TENM2: variants seen among roughly 807,000 people sequenced by gnomAD.
TENM2 encodes teneurin transmembrane protein 2.
Under a neutral mutation model 245.2 loss-of-function variants are expected in TENM2, and 52 were observed. The observed-to-expected ratio is 0.21, with a 90% CI of 0.17 to 0.27. TENM2 has a LOEUF of 0.27. Among genes scored for constraint, TENM2 ranks in the 10% least tolerant of loss-of-function variants. The probability of loss-of-function intolerance (pLI) is 1.00; values close to 1 mark genes in which losing one functional copy is unlikely to be tolerated. For synonymous variants in TENM2, 1,363 were observed against 1,438.9 expected, an observed-to-expected ratio of 0.95 and a Z score of 1.19; for missense variants, 3,046 against 3,666.8, an observed-to-expected ratio of 0.83 and a Z score of 4.37.
At chr5:168,136,219 C>T (rs1755031938) in intron 12 of TENM2, among the ~76,000 whole-genome samples, 1 of 152,150 alleles carries the variant, frequency 6.6e-6, no homozygotes, top group African/African-American at 2.4e-5. Context: ...TGAAATCACC[C>T]TAAGCCCTAC....
chr5:168,020,298 G>A (rs752398259), intron 5 of TENM2, among the ~76,000 whole-genome samples: 1 of 152,118 alleles, frequency 6.6e-6, no homozygotes, highest in Non-Finnish European at 1.5e-5. Context: ...TAAGAAAGAA[G>A]GATTCTCCAA....
chr5:167,158,804 A>T, the TENM2 span, among the ~76,000 whole-genome samples: 3 of 151,448 alleles, frequency 2.0e-5, no homozygotes, highest in Non-Finnish European at 4.4e-5. Flanking sequence ...GGGTTTCAAC[A>T]TATGATTTCT....
the TENM2 span, among the ~76,000 whole-genome samples, chr5:167,153,123 A>G: frequency 2.6e-5 from 4 of 151,848 alleles, no homozygotes; most frequent in African/African-American, 9.7e-5. Context: ...ACACACACAG[A>G]TACACATAGC....
chr5:167,548,263 C>T (rs112964125), intron 2 of TENM2, among the ~76,000 whole-genome samples: 4,284 of 152,210 alleles, frequency 0.028, 153 homozygotes, highest in African/African-American at 0.084. Flanking sequence ...TGTTGACAGA[C>T]TTTTTTCTTA....
At chr5:167,113,060 T>G in the TENM2 span, among the ~76,000 whole-genome samples, 1 of 152,080 alleles carries the variant, frequency 6.6e-6, no homozygotes, top group Non-Finnish European at 1.5e-5. Context: ...ATTAGATGAG[T>G]TGACAAAAAT....
chr5:167,387,330 G>A (rs1009948743), intron 2 of TENM2, among the ~76,000 whole-genome samples: 2 of 151,952 alleles, frequency 1.3e-5, no homozygotes, highest in African/African-American at 4.8e-5. Context: ...GGTCACTGTC[G>A]GTGTATAGAA....
chr5:167,131,090 A>G, the TENM2 span, among the ~76,000 whole-genome samples: 1 of 152,024 alleles, frequency 6.6e-6, no homozygotes, highest in African/African-American at 2.4e-5. Flanking sequence ...TGAATGTTTT[A>G]TGTAAAAATG....
the TENM2 span, chr5:167,168,087 G>C: frequency 2.0e-5 from 3 of 152,176 alleles, no homozygotes; most frequent in Non-Finnish European, 4.4e-5. Context: ...TTCAGTGTAA[G>C]CATAAACATG....
intron 2 of TENM2, among the ~76,000 whole-genome samples, chr5:167,687,476 A>G (rs1309307327): frequency 2.0e-5 from 3 of 152,166 alleles, no homozygotes; most frequent in Admixed American, 6.6e-5. Flanking sequence ...TATCTGGGAA[A>G]AACTATTTAT....
At chr5:168,097,239 C>T (rs765817051) in intron 8 of TENM2, among the ~76,000 whole-genome samples, 1 of 152,128 alleles carries the variant, frequency 6.6e-6, no homozygotes, top group Non-Finnish European at 1.5e-5. Context: ...TGAAGAATCA[C>T]TCTCTATACC....
chr5:167,360,597 T>C (rs1454007191), intron 1 of TENM2, among the ~76,000 whole-genome samples: 1 of 152,176 alleles, frequency 6.6e-6, no homozygotes, highest in Non-Finnish European at 1.5e-5. Context: ...TGAATATTCA[T>C]TACAGGAAAA....
At chr5:168,133,230 T>C (rs187090687) in intron 12 of TENM2, among the ~76,000 whole-genome samples, 39 of 152,222 alleles carry the variant, frequency 2.6e-4, no homozygotes, top group Non-Finnish European at 5.3e-4. Context: ...TAGGAAAAAA[T>C]ATAACTAGCA....
chr5:168,096,294 G>C (rs1298582321), intron 8 of TENM2, among the ~76,000 whole-genome samples: 1 of 152,104 alleles, frequency 6.6e-6, no homozygotes, highest in Non-Finnish European at 1.5e-5. Flanking sequence ...ATCTACAAAA[G>C]CACCTAACGC....
intron 3 of TENM2, among the ~76,000 whole-genome samples, chr5:167,933,339 G>C (rs1202032095): frequency 6.6e-6 from 1 of 152,180 alleles, no homozygotes; most frequent in Non-Finnish European, 1.5e-5. Flanking sequence ...TAAGGAGTGT[G>C]TGATGTTGTG....
At chr5:167,463,835 TAA>T (rs1766479759) in intron 2 of TENM2, among the ~76,000 whole-genome samples, 1 of 152,236 alleles carries the variant, frequency 6.6e-6, no homozygotes, top group Non-Finnish European at 1.5e-5. Context: ...TAGTTTTATT[TAA>T]ACTTTGCAAG....
chr5:168,026,675 G>A (rs906193576), intron 5 of TENM2, among the ~76,000 whole-genome samples: 3 of 152,110 alleles, frequency 2.0e-5, no homozygotes, highest in Non-Finnish European at 4.4e-5. Flanking sequence ...ACCTCACTGC[G>A]ACTCAGTTTC....
chr5:168,150,213 G>A (rs1191218844), intron 12 of TENM2, among the ~76,000 whole-genome samples: 1 of 152,142 alleles, frequency 6.6e-6, no homozygotes, highest in African/African-American at 2.4e-5. Flanking sequence ...ACTACCCGGT[G>A]CATAATAGGT....
intron 2 of TENM2, among the ~76,000 whole-genome samples, chr5:167,851,899 C>T (rs1770616742): frequency 6.6e-6 from 1 of 152,174 alleles, no homozygotes; most frequent in African/African-American, 2.4e-5. Context: ...TCAATTGATA[C>T]TGTCTTAATT....
chr5:167,866,263 C>A (rs1487794922), intron 2 of TENM2, among the ~76,000 whole-genome samples: 2 of 152,146 alleles, frequency 1.3e-5, no homozygotes, highest in East Asian at 3.9e-4. Flanking sequence ...CTTTGGGAGA[C>A]CGAGGCAGGC....
Sources: allele counts gnomAD v4.1 joint callset (sites outside exome capture counted in the v4.1 genomes callset), GRCh38; gene constraint gnomAD v4.1.1; transcripts MANE v1.5; gene names NCBI Gene and HGNC (gene_info 2026-07-23, HGNC 2026-07-21).